The following ZNF385D variants were observed in gnomAD, a reference collection of about 807,000 sequenced individuals.
ZNF385D encodes the protein zinc finger protein 385D, also known as zinc finger protein 659.
ZNF385D carries 15 observed loss-of-function variants against 35.8 expected under a neutral mutation model. That is an observed-to-expected ratio of 0.42 (90% confidence interval 0.28 to 0.64). The LOEUF is 0.64. Ranked by LOEUF, ZNF385D falls within the 30% of genes least tolerant of loss-of-function variation. ZNF385D has a pLI of 0.23. For missense variants in ZNF385D, 474 were observed against 494.6 expected (o/e 0.96, Z 0.39); for synonymous variants, 212 against 186.8 (o/e 1.13, Z -1.10).
chr3:21,587,352 G>A (rs1405727951), intron 2 of ZNF385D, among the ~76,000 whole-genome samples: 1 of 152,178 alleles, frequency 6.6e-6, no homozygotes, highest in African/African-American at 2.4e-5. Flanking sequence ...ACATAATTCA[G>A]CCTGTAGCAA....
chr3:21,913,360 T>C (rs556223361), intron 3 of ZNF385D, among the ~76,000 whole-genome samples: 8 of 152,224 alleles, frequency 5.3e-5, no homozygotes, highest in African/African-American at 1.9e-4. Context: ...AAATAACTCA[T>C]TAACAGAAAA....
rs1307182669 is a variant in ZNF385D at position 21,465,360 on chromosome 3, A to G, written c.440-28157T>C. Among the ~76,000 whole-genome samples the G allele has an allele frequency of 6.6e-6, 1 of 152,190 alleles. No individual in the cohort carries two copies. The highest frequency in any genetic ancestry group is 2.4e-5 in the African/African-American group (1 of 41,462). On this transcript the variant is annotated intron_variant, in intron 4 of 7. Transcript: ENST00000281523. The surrounding 1 kb of genome is among the most constrained non-coding windows in gnomAD (Gnocchi z 4.2). ...CTGAATATTTTGGTCTAACAAAGCC[A>G]TATATAATCCCAATTAATTTGAAAT...
chr3:22,231,364 GA>G (rs549209727), intron 2 of ZNF385D, among the ~76,000 whole-genome samples: 6 of 149,700 alleles, frequency 4.0e-5, no homozygotes, highest in South Asian at 2.1e-4. Context: ...GTGAGAGAGA[GA>G]AAAAAAAAAG....
At chr3:21,436,795 CCCCTATATAAATGACACTTTG>C in intron 5 of ZNF385D, 154 bp downstream of exon 5, 1 of 647,328 alleles carries the variant, frequency 1.5e-6, no homozygotes, top group Non-Finnish European at 2.6e-6. Flanking sequence ...CCACCCCTTG[CCCCTATATAAATGACACTTTG>C]CTCGTCATTT....
intron 2 of ZNF385D, among the ~76,000 whole-genome samples, chr3:22,360,575 C>T (rs996022877): frequency 1.3e-5 from 2 of 151,904 alleles, no homozygotes; most frequent in African/African-American, 2.4e-5. Flanking sequence ...TAGTAAGAGC[C>T]AGCTTCCAAG....
chr3:21,442,886 A>T (rs1486121728), intron 4 of ZNF385D, among the ~76,000 whole-genome samples: 2 of 147,164 alleles, frequency 1.4e-5, no homozygotes, highest in African/African-American at 5.0e-5. Context: ...TCTGTGTATA[A>T]GTGTGTGTGT....
intron 2 of ZNF385D, among the ~76,000 whole-genome samples, chr3:22,258,136 AAAT>A (rs1700410665): frequency 1.3e-5 from 2 of 151,776 alleles, no homozygotes; most frequent in Non-Finnish European, 3.0e-5. Context: ...TACTCTTTAT[AAAT>A]AGAACAGATT....
intron 1 of ZNF385D, among the ~76,000 whole-genome samples, chr3:21,677,631 A>C (rs1284931466): frequency 2.0e-5 from 3 of 152,036 alleles, no homozygotes; most frequent in African/African-American, 7.2e-5. Flanking sequence ...TATTCTGGTA[A>C]TGAAATTGTA....
At chr3:22,185,964 TCTCTA>T (rs1440938014) in intron 2 of ZNF385D, among the ~76,000 whole-genome samples, 3 of 152,294 alleles carry the variant, frequency 2.0e-5, no homozygotes, top group Non-Finnish European at 2.9e-5. Context: ...AAAGGGTAGA[TCTCTA>T]CTCAACTCAT....
intron 1 of ZNF385D, among the ~76,000 whole-genome samples, chr3:21,695,839 C>CTG (rs2067453246): frequency 6.6e-6 from 1 of 151,702 alleles, no homozygotes; most frequent in East Asian, 1.9e-4. Context: ...TTGCTGCTAC[C>CTG]TGTTGTTACA....
In ZNF385D at chr3:21,947,139, A is replaced by G. The variant is rs538843728; in HGVS notation, c.325+221678T>C. Among the ~76,000 whole-genome samples the G allele has an allele frequency of 5.3e-5, 8 of 152,320 alleles. No homozygotes were observed. In the East Asian group the frequency reaches 1.5e-3, roughly 29 times the overall value. On this transcript the variant is annotated intron_variant, in intron 3 of 5. Coordinates refer to the ZNF385D transcript ENST00000494108. ...CAGTTTGCACTCATGAAAGTTTGTA[A>G]TAATTAATATACCACTTGGATATAA...
chr3:21,991,793 C>A (rs1415049166), intron 3 of ZNF385D, among the ~76,000 whole-genome samples: 1 of 152,092 alleles, frequency 6.6e-6, no homozygotes, highest in Non-Finnish European at 1.5e-5. Context: ...ATGCTTTGGG[C>A]AAGATTTATT....
At chr3:21,891,795 A>G (rs1386335815) in intron 3 of ZNF385D, among the ~76,000 whole-genome samples, 4 of 152,214 alleles carry the variant, frequency 2.6e-5, no homozygotes, top group African/African-American at 9.6e-5. Context: ...ATATTTTTAA[A>G]GTTCTGAAGA....
intron 3 of ZNF385D, among the ~76,000 whole-genome samples, chr3:21,869,211 C>G (rs1304030466): frequency 6.6e-6 from 1 of 152,046 alleles, no homozygotes; most frequent in Non-Finnish European, 1.5e-5. Flanking sequence ...AACTATCTTC[C>G]ATGGCTAATG....
At chr3:21,860,483 A>ATTGTTACCC (rs1553686810) in intron 3 of ZNF385D, among the ~76,000 whole-genome samples, 2 of 151,596 alleles carry the variant, frequency 1.3e-5, no homozygotes, top group Non-Finnish European at 2.9e-5. Context: ...TTATAAGCTG[A>ATTGTTACCC]TTATTAATAC....
chr3:21,615,085 A>G (rs974545), intron 2 of ZNF385D, among the ~76,000 whole-genome samples: 59,360 of 152,028 alleles, frequency 0.39, 11,955 homozygotes, highest in South Asian at 0.6. Context: ...TCCAAATCTC[A>G]TGTTTAAATA....
At chr3:22,322,896 CA>C (rs1238351595) in intron 2 of ZNF385D, among the ~76,000 whole-genome samples, 3 of 152,202 alleles carry the variant, frequency 2.0e-5, no homozygotes. Context: ...CATCTGCTAA[CA>C]GCCCTGGCTA....
chr3:22,277,214 T>C (rs934258929), intron 2 of ZNF385D, among the ~76,000 whole-genome samples: 4 of 152,052 alleles, frequency 2.6e-5, no homozygotes, highest in African/African-American at 9.7e-5. Flanking sequence ...TTAGCAGTGG[T>C]GAGAGAAGCA....
intron 3 of ZNF385D, among the ~76,000 whole-genome samples, chr3:22,154,522 T>C (rs1407229863): frequency 6.6e-6 from 1 of 152,224 alleles, no homozygotes; most frequent in Non-Finnish European, 1.5e-5. Flanking sequence ...AATTAAGCTC[T>C]GTCTGATCTC....
Sources: allele counts gnomAD v4.1 joint callset (sites outside exome capture counted in the v4.1 genomes callset), GRCh38; gene constraint gnomAD v4.1.1; non-coding constraint Gnocchi (gnomAD v3.1); transcripts MANE v1.5; gene names NCBI Gene and HGNC (gene_info 2026-07-23, HGNC 2026-07-21).